The following NPHS1 variants were observed in gnomAD, a reference collection of about 807,000 sequenced individuals.
NPHS1 encodes the protein nephrin.
Under a neutral mutation model 139.7 loss-of-function variants are expected in NPHS1, and 107 were observed. The ratio of observed to expected loss-of-function variants is 0.77; its 90% CI spans 0.66 to 0.90. NPHS1 has a LOEUF of 0.90. NPHS1 is among the 40% of genes least tolerant of loss of function. The pLI is 0.00. For missense variants in NPHS1, 1,580 were observed against 1,654.2 expected (o/e 0.96, Z 0.78); for synonymous variants, 707 against 706.6 (o/e 1.00, Z -0.01).
At chr19:35,847,986 C>T (rs1324763816) in intron 11 of NPHS1, 55 bp downstream of exon 11, 5 of 1,588,332 alleles carry the variant, frequency 3.1e-6, no homozygotes, top group Non-Finnish European at 3.4e-6. Flanking sequence ...AGAGAAGGGG[C>T]CTGGTCCTTC....
In NPHS1 at chr19:35,844,320, T is replaced by C. The variant is rs1174942391; in HGVS notation, c.2070A>G (p.Pro690=). Residue 690 remains proline, a splice_region_variant and synonymous_variant, in exon 15 of 29, where the codon CCA becomes CCG. Transcript: ENST00000378910. ...CCTCCCCATGACCACTTCCCTCACC[T>C]GGACTGAGGCGATAGCCGCGGAAGG... is the stretch of plus-strand genomic sequence containing the variant. The part of the protein sequence containing the change: ...NWTFRGYRLS[P]AGGPRHRILS... 6.2e-7 allele frequency: 1 copy of C among 1,613,912 alleles called. No individual in the cohort carries two copies. Among genetic ancestry groups the C allele is most frequent in the Non-Finnish European group, 8.5e-7 (1 of 1,179,944 alleles).
rs912239626 is a variant in NPHS1 at position 35,848,376 on chromosome 19, A to G, written c.1192T>C (p.Ser398Pro). ...VMDGLHGGHI[S>P]MSNLTFLARR... Reference sequence around the variant, plus strand: ...GCCAGGAATGTCAGGTTGGACATGGAGATGTGACCGCCATGCAGTCCCTGG... The same window carrying G: ...GCCAGGAATGTCAGGTTGGACATGGGGATGTGACCGCCATGCAGTCCCTGG... Residue 398 changes from serine to proline, a missense_variant, in exon 10 of 29, where the codon TCC becomes CCC. Physicochemically the swap from Ser to Pro is moderately conservative, Grantham distance 74. Transcript: ENST00000378910. 8.7e-6 allele frequency: 14 copies of G among 1,614,092 alleles called. No homozygotes were observed. Among genetic ancestry groups the G allele is most frequent in the Non-Finnish European group, 1.2e-5 (14 of 1,180,008 alleles).
Position 35,848,448 on chromosome 19 carries a change from G to A in NPHS1, c.1171-51C>T, listed in dbSNP as rs781330933. On this transcript the variant is annotated intron_variant, in intron 9 of 28. Transcript: ENST00000378910. ...GGGGACTGCAGCACCCCTATCCATC[G>A]TGCTAGAGGCCTGAGTCCATCCCAG... The A allele has an allele frequency of 1.5e-5, 24 of 1,612,828 alleles. No homozygotes were observed. The African/African-American group carries it at 1.9e-4, about 13-fold the overall frequency.
At chr19:35,848,509 C>T in intron 9 of NPHS1, 112 bp from the exon 10 acceptor site, 1 of 1,584,398 alleles carries the variant, frequency 6.3e-7, no homozygotes, top group Non-Finnish European at 8.6e-7. Context: ...CTCTACCTCC[C>T]CCTCTGTTGG....
rs1434933933 is a variant in NPHS1, at chr19:35,851,490, G to A, written c.241C>T (p.Pro81Ser). The change falls in exon 2 of 29, where the codon CCG becomes TCG. Residue 81 changes from proline to serine, a missense_variant. Physicochemically the swap from Pro to Ser is moderately conservative, Grantham distance 74 (BLOSUM62 -1). Transcript: ENST00000378910. ...LGPDPRIPGFPRYRLEGDPAR... is the reference protein window; with the variant it reads ...LGPDPRIPGFSRYRLEGDPAR... Reference sequence around the variant, plus strand: ...GGGTCCCCTTCCAGGCGGTACCTCGGGAAGCCTGGGATCCTGGGGTCGGGG... The same window carrying A: ...GGGTCCCCTTCCAGGCGGTACCTCGAGAAGCCTGGGATCCTGGGGTCGGGG... 1 of 1,613,622 alleles carries A rather than the reference G, an allele frequency of 6.2e-7. No individual in the cohort carries two copies. The highest frequency in any genetic ancestry group is 1.7e-5 in the Admixed American group (1 of 60,018).
Position 35,846,190 on chromosome 19 carries a change from G to T in NPHS1, c.1445C>A (p.Ser482Ter). 6.3e-7 allele frequency: 1 copy of T among 1,586,726 alleles called. No homozygotes were observed. Among genetic ancestry groups the T allele is most frequent in the Non-Finnish European group, 8.6e-7 (1 of 1,169,270 alleles). ...PEPSLMWYKD[S>*]RTVTESRLPQ... ...CAGCCGCGACTCGGTCACGGTGCGC[G>T]AGTCCTACGGGCCGGGAGTGACTGG... is the stretch of plus-strand genomic sequence containing the variant. Residue 482 changes from serine to a stop codon, truncating the protein, a stop_gained, in exon 12 of 29, where the codon TCG becomes TAG. Coordinates refer to ENST00000378910, the MANE Select transcript of NPHS1 (RefSeq NM_004646.4). LOFTEE classifies it high-confidence loss of function.
At chr19:35,846,413 C>T (rs1284380597) in intron 11 of NPHS1, among the ~76,000 whole-genome samples, 2 of 152,246 alleles carry the variant, frequency 1.3e-5, no homozygotes, top group African/African-American at 4.8e-5. Flanking sequence ...CCCCGAGTCC[C>T]TGTGCATGGC....
chr19:35,843,579 G>C lies in NPHS1; in HGVS notation c.2227C>G (p.Arg743Gly). Reference sequence around the variant, plus strand: ...ACCTCAGTGGGGTCCTGGAGGGCACGGATGGTGGGAGCATCTGGTGGAAGG... The same window carrying C: ...ACCTCAGTGGGGTCCTGGAGGGCACCGATGGTGGGAGCATCTGGTGGAAGG... ...RLDVHYAPTI[R>G]ALQDPTEVNV... The change falls in exon 17 of 29, where the codon CGT (arginine) becomes GGT (glycine). Residue 743 changes from arginine (R) to glycine (G), a missense_variant. Arg to Gly is a moderately radical substitution (Grantham distance 125). Coordinates refer to ENST00000378910, the MANE Select transcript of NPHS1 (RefSeq NM_004646.4). The C allele has an allele frequency of 6.2e-7, 1 of 1,614,088 alleles. No individual in the cohort carries two copies. The highest frequency in any genetic ancestry group is 8.5e-7 in the Non-Finnish European group (1 of 1,179,950).
chr19:35,836,508 T>A (rs1972964015), intron 22 of NPHS1, among the ~76,000 whole-genome samples: 1 of 152,100 alleles, frequency 6.6e-6, no homozygotes, highest in South Asian at 2.1e-4. Flanking sequence ...CAAAAAAGAC[T>A]TTGGGCTCTC....
At chr19:35,844,268 C>T in intron 15 of NPHS1, 25 bp from the exon 16 acceptor site, 3 of 1,613,772 alleles carry the variant, frequency 1.9e-6, no homozygotes, top group Non-Finnish European at 2.5e-6. Context: ...AATAAGGGAC[C>T]TGGCAGGACC....
In NPHS1 at chr19:35,842,388, C is replaced by G. The variant is rs1269628235; in HGVS notation, c.2497G>C (p.Val833Leu). The change falls in exon 18 of 29, where the codon GTT becomes CTT. Residue 833 changes from valine (V) to leucine (L), a missense_variant. Coordinates refer to ENST00000378910, the MANE Select transcript of NPHS1 (RefSeq NM_004646.4). The stretch of plus-strand genomic sequence containing the variant: ...TTTGGGTAATACCCACATCTGACAA[C>G]AAGACGGAGCAGCCGTCGTGCTGGA... Reference protein sequence around the residue: ...APPARRLLRLVVRFAPQVEHP... With the variant: ...APPARRLLRLLVRFAPQVEHP... 23 of 1,613,822 alleles carry G rather than the reference C, an allele frequency of 1.4e-5. No homozygotes were observed. Among genetic ancestry groups the G allele is most frequent in the Non-Finnish European group, 1.9e-5 (22 of 1,180,024 alleles).
chr19:35,850,471 G>A, intron 4 of NPHS1, 26 bp from the exon 5 acceptor site: 1 of 1,593,956 alleles, frequency 6.3e-7, no homozygotes, highest in Non-Finnish European at 8.6e-7. Flanking sequence ...GGGCTAGAGG[G>A]GTTCCAGGCT....
At position 35,842,242 on chromosome 19, in the gene NPHS1, C is replaced by T. The variant is rs1360430163; in HGVS notation, c.2545G>A (p.Val849Met). ...CTGGTGCTGTCTCCAGCTGCAGCCA[C>T]CTTAGTTAGGGGAGTGGGGTGCTCC... ...QVEHPTPLTK[V>M]AAAGDSTSSA... The change falls in exon 19 of 29, where the codon GTG becomes ATG. Residue 849 changes from valine (V) to methionine (M), a missense_variant. Coordinates refer to ENST00000378910, the MANE Select transcript of NPHS1 (RefSeq NM_004646.4). The T allele has an allele frequency of 1.2e-6, 2 of 1,613,418 alleles. No homozygotes were observed. The highest frequency in any genetic ancestry group is 2.2e-5 in the East Asian group (1 of 44,872).
Position 35,841,947 on chromosome 19 carries a change from A to G in NPHS1, c.2664-81T>C, listed in dbSNP as rs113861007. 3.1e-5 allele frequency: 46 copies of G among 1,481,758 alleles called. No homozygotes were observed. In the African/African-American group the frequency reaches 4.7e-4, roughly 15 times the overall value. 91.8% of individuals were successfully genotyped at this position (1,481,758 alleles called of 1,614,324 possible). On this transcript the variant is annotated intron_variant, in intron 19 of 28. Transcript: ENST00000378910. The stretch of plus-strand genomic sequence containing the variant: ...GGAATCATCTATGCATCCATCCATT[A>G]ATGTAACCGTCTGCCTATCTATCCA...
intron 11 of NPHS1, 124 bp downstream of exon 11, chr19:35,847,917 A>C: frequency 9.7e-7 from 1 of 1,034,322 alleles, no homozygotes; most frequent in Non-Finnish European, 1.4e-6. Flanking sequence ...AAACCTCAGA[A>C]TCTTTAGTAC....
intron 4 of NPHS1, 60 bp downstream of exon 4, chr19:35,850,901 C>G (rs939752438): frequency 6.2e-6 from 10 of 1,602,156 alleles, no homozygotes; most frequent in Non-Finnish European, 7.7e-6. Flanking sequence ...CAGGAACACA[C>G]ACCCTTCCCA....
chr19:35,831,204 C>T (rs775414718), intron 26 of NPHS1, 58 bp from the exon 27 acceptor site: 470 of 1,610,260 alleles, frequency 2.9e-4, no homozygotes, highest in Non-Finnish European at 3.6e-4. Context: ...CCACTGTGCC[C>T]GGAAGGGCAA....
rs986614274 is a variant in NPHS1 at position 35,848,550 on chromosome 19, G to A, written c.1170+87C>T. On this transcript the variant is annotated intron_variant, in intron 9 of 28. Transcript: ENST00000378910. ...TGGTCCTCAAGGAGAAAGCCCCCCA[G>A]GCTGCTGGACCCACCCCTTCCCTAT... 33 of 1,587,020 alleles carry A rather than the reference G, an allele frequency of 2.1e-5. No homozygotes were observed. The East Asian group carries it at 3.8e-4, about 18-fold the overall frequency.
At chr19:35,851,119 C>T in intron 3 of NPHS1, 30 bp from the exon 4 acceptor site, 4 of 1,614,050 alleles carry the variant, frequency 2.5e-6, no homozygotes, top group African/African-American at 2.7e-5. Flanking sequence ...GGGTAAGCTT[C>T]CAGCACTGAG....
Sources: gnomAD v4.1 joint callset for allele counts (sites outside exome capture counted in the v4.1 genomes callset) on GRCh38, gnomAD v4.1.1 for gene constraint, MANE v1.5 for transcripts, NCBI Gene and HGNC (gene_info 2026-07-23, HGNC 2026-07-21) for gene names.